Variants in DNAH17 observed in about 807,000 individuals in gnomAD.
The protein encoded by DNAH17 is dynein axonemal heavy chain 17.
A neutral mutation model predicts 485.6 loss-of-function variants in DNAH17; 376 were observed. That is an observed-to-expected ratio of 0.77 (90% CI 0.71 to 0.84). DNAH17 has a LOEUF of 0.84. Ranked by LOEUF, DNAH17 falls within the 40% of genes least tolerant of loss-of-function variation. The pLI, the probability that DNAH17 is intolerant of heterozygous loss-of-function variation, is 0.00. For missense variants in DNAH17, 6,370 were observed against 5,839.3 expected (o/e 1.09, Z -2.96); for synonymous variants, 3,031 against 2,405.9 (o/e 1.26, Z -7.60).
At chr17:78,447,255 T>C (rs1419823815) in intron 69 of DNAH17, among the ~76,000 whole-genome samples, 1 of 152,226 alleles carries the variant, frequency 6.6e-6, no homozygotes, top group Non-Finnish European at 1.5e-5. Flanking sequence ...CTGCGATTAA[T>C]GCTGTTGTGA....
chr17:78,474,931 G>T (rs924986383), intron 54 of DNAH17, among the ~76,000 whole-genome samples: 1 of 148,382 alleles, frequency 6.7e-6, no homozygotes, highest in Middle Eastern at 3.2e-3. Context: ...TCAGTCACAC[G>T]GGCCGAAAGG....
intron 57 of DNAH17, among the ~76,000 whole-genome samples, chr17:78,462,175 T>TG: frequency 6.7e-6 from 1 of 149,592 alleles, no homozygotes; most frequent in South Asian, 2.1e-4. Context: ...CTGTCTCAAA[T>TG]GCCAAGTGAG....
chr17:78,424,482 A>G, intron 80 of DNAH17: 1 of 312,714 alleles, frequency 3.2e-6, no homozygotes, highest in East Asian at 6.0e-5. Context: ...ATTACAGAGT[A>G]AAGTTCCCTG....
chr17:78,566,928 C>A (rs979348761), intron 10 of DNAH17, 71 bp downstream of exon 10: 4 of 1,528,148 alleles, frequency 2.6e-6, no homozygotes, highest in Admixed American at 2.1e-5. Flanking sequence ...CCCATCACAC[C>A]CCTAAGCTGG....
intron 25 of DNAH17, among the ~76,000 whole-genome samples, chr17:78,515,294 A>C (rs569280171): frequency 1.3e-5 from 2 of 152,330 alleles, no homozygotes; most frequent in East Asian, 1.9e-4. Flanking sequence ...AGATTACCTG[A>C]GGTCAGGAGT....
At chr17:78,556,797 T>C (rs927392709) in intron 14 of DNAH17, among the ~76,000 whole-genome samples, 8 of 152,180 alleles carry the variant, frequency 5.3e-5, no homozygotes, top group African/African-American at 1.9e-4. Context: ...GCTATATCCA[T>C]GCGACACATT....
intron 3 of DNAH17, among the ~76,000 whole-genome samples, chr17:78,572,468 G>A (rs373641399): frequency 2.0e-4 from 31 of 152,122 alleles, no homozygotes; most frequent in African/African-American, 7.2e-4. Flanking sequence ...GGGTGCAGGT[G>A]CCAGAGCCCC....
intron 41 of DNAH17, 46 bp downstream of exon 41, chr17:78,493,990 C>T: frequency 6.3e-7 from 1 of 1,582,948 alleles, no homozygotes; most frequent in African/African-American, 1.3e-5. Context: ...CCAGCCCTCC[C>T]CCACCATGCC....
At chr17:78,530,557 A>AG (rs762203740) in intron 20 of DNAH17, 45 bp from the exon 21 acceptor site, 160 of 1,496,190 alleles carry the variant, frequency 1.1e-4, no homozygotes, top group Admixed American at 4.5e-4. Flanking sequence ...CTGCAAGCCT[A>AG]GGGGGGGCGT....
intron 44 of DNAH17, among the ~76,000 whole-genome samples, chr17:78,490,306 T>C (rs1278841905): frequency 2.6e-5 from 4 of 152,148 alleles, no homozygotes; most frequent in Non-Finnish European, 5.9e-5. Context: ...CTCCCCACCA[T>C]GCCCTGTGAA....
chr17:78,561,920 T>C lies in DNAH17; in HGVS notation c.1630A>G (p.Arg544Gly), dbSNP rs2092165022. 1 of 1,613,412 alleles carries C rather than the reference T, an allele frequency of 6.2e-7. No individual in the cohort carries two copies. Among genetic ancestry groups the C allele is most frequent in the South Asian group, 1.1e-5 (1 of 91,078 alleles). Residue 544 changes from arginine (R) to glycine (G), a missense_variant, in exon 12 of 81, where the codon AGG becomes GGG. Transcript: ENST00000389840. ...AACAGCTCCAGCATGACTGAATACCTGGGCGCCACCTCGGCAAGAATCAGG... is the reference window on the plus strand; with the variant it reads ...AACAGCTCCAGCATGACTGAATACCCGGGCGCCACCTCGGCAAGAATCAGG... The part of the protein sequence containing the change: ...RPLILAEVAP[R>G]YSVMLELFDA...
At position 78,561,064 on chromosome 17, in the gene DNAH17, A is replaced by G. The variant is rs73387541; in HGVS notation, c.1836-129T>C. The G allele has an allele frequency of 0.017, 14,061 of 828,086 alleles. 1,291 individuals are homozygous for G. The African/African-American group carries it at 0.21, about 12-fold the overall frequency. The allele number at this position is 828,086 out of a possible 1,614,324, so 51.3% of individuals were successfully genotyped here. On this transcript the variant is annotated intron_variant, in intron 12 of 80. Coordinates refer to ENST00000389840, the MANE Select transcript of DNAH17 (RefSeq NM_173628.4). Reference sequence around the variant, plus strand: ...CCACCCAATTACTCGAGGCTCACAGACTGAATATGCAAACAAGCAGTGGCC... The same window carrying G: ...CCACCCAATTACTCGAGGCTCACAGGCTGAATATGCAAACAAGCAGTGGCC...
rs774157500 is a variant in DNAH17, at chr17:78,490,853, AG to A, written c.6670-7del. 2.5e-5 allele frequency: 39 copies of A among 1,591,320 alleles called. No homozygotes were observed. Among genetic ancestry groups the A allele is most frequent in the Non-Finnish European group, 3.1e-5 (36 of 1,167,590 alleles). On this transcript the variant is annotated splice_region_variant and splice_polypyrimidine_tract_variant and intron_variant, in intron 43 of 80. Transcript: ENST00000389840. ...TTGCTGGCCAGGGTGAGGACCTAGGAGGGGGACAGCAGCCCGTGGGGTCCTA... is the reference window on the plus strand; with the variant it reads ...TTGCTGGCCAGGGTGAGGACCTAGGAGGGGACAGCAGCCCGTGGGGTCCTA...
chr17:78,572,337 A>G (rs761522369), intron 3 of DNAH17, among the ~76,000 whole-genome samples: 1 of 152,002 alleles, frequency 6.6e-6, no homozygotes, highest in Non-Finnish European at 1.5e-5. Context: ...CCACTCACTG[A>G]CCCTGTCCCA....
intron 14 of DNAH17, among the ~76,000 whole-genome samples, chr17:78,553,077 A>C (rs1406721298): frequency 6.6e-6 from 1 of 151,926 alleles, no homozygotes; most frequent in Non-Finnish European, 1.5e-5. Context: ...TCTCCTTTTT[A>C]AACAGGTGTA....
intron 64 of DNAH17, among the ~76,000 whole-genome samples, 170 bp from the exon 65 acceptor site, chr17:78,453,635 G>A (rs2087652891): frequency 6.6e-6 from 1 of 152,264 alleles, no homozygotes; most frequent in Non-Finnish European, 1.5e-5. Context: ...AAGGAGCCGA[G>A]GGGCTTCTTT....
At chr17:78,481,377 C>T (rs1252041251) in intron 48 of DNAH17, among the ~76,000 whole-genome samples, 1 of 152,158 alleles carries the variant, frequency 6.6e-6, no homozygotes, top group Non-Finnish European at 1.5e-5. Context: ...GCTGGGATTA[C>T]TCCATGTGGT....
At chr17:78,424,760 T>G (rs2086348434) in intron 80 of DNAH17, among the ~76,000 whole-genome samples, 2 of 152,168 alleles carry the variant, frequency 1.3e-5, no homozygotes, top group Non-Finnish European at 1.5e-5. Flanking sequence ...GGGACAGGTA[T>G]GTGGTGGTGG....
intron 48 of DNAH17, among the ~76,000 whole-genome samples, chr17:78,484,561 G>A (rs527287504): frequency 9.3e-6 from 1 of 107,842 alleles, no homozygotes; most frequent in Non-Finnish European, 2.1e-5. Flanking sequence ...TCGGTGGAAG[G>A]GGGGAAGGAG....
Sources: allele counts gnomAD v4.1 joint callset (sites outside exome capture counted in the v4.1 genomes callset), GRCh38; gene constraint gnomAD v4.1.1; transcripts MANE v1.5; gene names NCBI Gene and HGNC (gene_info 2026-07-23, HGNC 2026-07-21).